GALNT13: variants seen among roughly 807,000 people sequenced by gnomAD.
The protein encoded by GALNT13 is UDP-GalNAc:polypeptide N-acetylgalactosaminyltransferase 13.
Under a neutral mutation model 64.2 loss-of-function variants are expected in GALNT13, and 28 were observed. That is an observed-to-expected ratio of 0.44 (90% confidence interval 0.32 to 0.60). The LOEUF (loss-of-function observed/expected upper bound fraction) is 0.60, where lower values mean the gene tolerates loss of function less well. Ranked by LOEUF, GALNT13 falls within the 20% of genes least tolerant of loss-of-function variation. The pLI is 0.05. For synonymous variants in GALNT13, 214 were observed against 224.6 expected (o/e 0.95, Z 0.42); for missense variants, 577 against 669.8 (o/e 0.86, Z 1.53).
chr2:154,298,607 A>ATAAT lies in GALNT13; in HGVS notation c.976-2801_976-2800insAATT, dbSNP rs1693141431. 1.3e-4 allele frequency among the ~76,000 whole-genome samples: 3 copies of ATAAT among 23,186 alleles called. 1 individual carries two copies. The highest frequency in any genetic ancestry group is 2.1e-4 in the Non-Finnish European group (3 of 13,990). The allele number at this position is 23,186 out of a possible 152,430, so 15.2% of individuals were successfully genotyped here. A position where few individuals can be genotyped will look rare whatever the true frequency, so the allele number is the denominator to read the frequency against. ...TATAATTTATATATACAATGTATAT[A>ATAAT]TTAATTTATATATACATTGTATATA... On this transcript the variant is annotated intron_variant, in intron 8 of 12. Transcript: ENST00000392825.
At chr2:153,220,045 T>C in the GALNT13 span, among the ~76,000 whole-genome samples, 1 of 152,222 alleles carries the variant, frequency 6.6e-6, no homozygotes, top group Non-Finnish European at 1.5e-5. Context: ...AGTAATAATA[T>C]TGGCTCTTTC....
the GALNT13 span, among the ~76,000 whole-genome samples, chr2:153,432,704 G>T: frequency 1.3e-5 from 2 of 151,796 alleles, no homozygotes; most frequent in Admixed American, 6.6e-5. Context: ...CCTTTGCAGA[G>T]TTTTTGGCTG....
chr2:154,430,118 T>C lies in GALNT13; in HGVS notation c.1396-8474T>C, dbSNP rs886476127. 7.9e-5 allele frequency among the ~76,000 whole-genome samples: 12 copies of C among 152,302 alleles called. No homozygotes were observed. In the East Asian group the frequency reaches 2.1e-3, roughly 27 times the overall value. The stretch of plus-strand genomic sequence containing the variant: ...AACACAATATTCATTCTGCAGACCA[T>C]AGATCAAGGAGCAAGTTCAATTTTC... On this transcript the variant is annotated intron_variant, in intron 11 of 12. Transcript: ENST00000392825.
chr2:154,390,986 C>G (rs1479629625), intron 9 of GALNT13, among the ~76,000 whole-genome samples: 1 of 152,202 alleles, frequency 6.6e-6, no homozygotes, highest in Non-Finnish European at 1.5e-5. Context: ...GTCCCTTGTA[C>G]AGAGCTTGAC....
chr2:154,434,630 G>A (rs1394417069), intron 11 of GALNT13, among the ~76,000 whole-genome samples: 1 of 152,014 alleles, frequency 6.6e-6, no homozygotes, highest in Non-Finnish European at 1.5e-5. Context: ...TAAAAGAGTT[G>A]ACTCAAAAAT....
At chr2:154,213,837 A>G (rs1321683216) in intron 4 of GALNT13, among the ~76,000 whole-genome samples, 1 of 152,200 alleles carries the variant, frequency 6.6e-6, no homozygotes, top group Non-Finnish European at 1.5e-5. Flanking sequence ...CCTAAAATCA[A>G]TTCTCATGTT....
At chr2:153,735,737 T>C in the GALNT13 span, among the ~76,000 whole-genome samples, 2 of 152,224 alleles carry the variant, frequency 1.3e-5, no homozygotes, top group Admixed American at 6.5e-5. Flanking sequence ...GCAATAATTT[T>C]GCAGAATATC....
At chr2:154,354,773 C>T (rs1477816113) in intron 9 of GALNT13, among the ~76,000 whole-genome samples, 1 of 151,920 alleles carries the variant, frequency 6.6e-6, no homozygotes, top group Non-Finnish European at 1.5e-5. Flanking sequence ...TTCCACCGGT[C>T]GATGTTTCTG....
At chr2:153,153,679 T>G in the GALNT13 span, among the ~76,000 whole-genome samples, 18 of 149,984 alleles carry the variant, frequency 1.2e-4, no homozygotes, top group African/African-American at 2.5e-4. Flanking sequence ...TTTTTTTTTT[T>G]GTCAGGTTTG....
At chr2:153,220,337 C>T in the GALNT13 span, among the ~76,000 whole-genome samples, 1 of 152,180 alleles carries the variant, frequency 6.6e-6, no homozygotes, top group South Asian at 2.1e-4. Context: ...GATAAATACA[C>T]CTAGAACTGG....
chr2:154,026,913 G>C (rs973753402), intron 3 of GALNT13, among the ~76,000 whole-genome samples: 56 of 152,102 alleles, frequency 3.7e-4, no homozygotes, highest in African/African-American at 1.3e-3. Flanking sequence ...TCGAGCATCC[G>C]GAGAAGGAAT....
At chr2:153,199,298 G>A in the GALNT13 span, among the ~76,000 whole-genome samples, 2 of 152,236 alleles carry the variant, frequency 1.3e-5, no homozygotes, top group East Asian at 1.9e-4. Context: ...GCTTATGGCT[G>A]TAGGCTACCA....
intron 3 of GALNT13, among the ~76,000 whole-genome samples, chr2:154,033,970 A>G (rs984554645): frequency 2.6e-5 from 4 of 151,988 alleles, no homozygotes; most frequent in African/African-American, 7.2e-5. Flanking sequence ...AACAAAAAAA[A>G]CCCTGAGTGC....
At chr2:153,809,819 T>G in the GALNT13 span, among the ~76,000 whole-genome samples, 1 of 152,336 alleles carries the variant, frequency 6.6e-6, no homozygotes, top group Admixed American at 6.5e-5. Flanking sequence ...TCAACTTCAC[T>G]TACATACTCG....
the GALNT13 span, among the ~76,000 whole-genome samples, chr2:153,531,926 C>A: frequency 3.3e-5 from 5 of 152,154 alleles, no homozygotes; most frequent in Non-Finnish European, 7.3e-5. Flanking sequence ...GGTGGGCTCA[C>A]GAGGCCTTCA....
intron 9 of GALNT13, among the ~76,000 whole-genome samples, chr2:154,320,953 A>AT (rs1173122525): frequency 6.6e-6 from 1 of 152,154 alleles, no homozygotes; most frequent in Non-Finnish European, 1.5e-5. Flanking sequence ...TGATATTCAG[A>AT]TTTTTTATTT....
the GALNT13 span, among the ~76,000 whole-genome samples, chr2:153,136,219 C>G: frequency 2.0e-5 from 3 of 152,080 alleles, no homozygotes; most frequent in Admixed American, 6.6e-5. Context: ...AGATAACACC[C>G]CTTTACTCTT....
the GALNT13 span, among the ~76,000 whole-genome samples, chr2:153,708,828 CA>C: frequency 2.6e-5 from 4 of 151,928 alleles, no homozygotes; most frequent in African/African-American, 9.7e-5. Flanking sequence ...ATAGAGAACC[CA>C]GAAATAAACC....
chr2:153,222,327 T>TGGGGGGGGGGGGGGGGGGGGG, the GALNT13 span, among the ~76,000 whole-genome samples: 1 of 95,580 alleles, frequency 1.0e-5, no homozygotes, highest in African/African-American at 4.3e-5. Context: ...GGGGGGGGGG[T>TGGGGGGGGGGGGGGGGGGGGG]GGGGTGGGGG....
Sources: gnomAD v4.1 joint callset for allele counts (sites outside exome capture counted in the v4.1 genomes callset) on GRCh38, gnomAD v4.1.1 for gene constraint, MANE v1.5 for transcripts, NCBI Gene and HGNC (gene_info 2026-07-23, HGNC 2026-07-21) for gene names.